CWF19L2: variants seen among roughly 807,000 people sequenced by gnomAD.
CWF19L2 encodes the protein CWF19 like cell cycle control factor 2.
Under a neutral mutation model 111.7 loss-of-function variants are expected in CWF19L2, and 98 were observed. The ratio of observed to expected loss-of-function variants is 0.88; its 90% confidence interval spans 0.75 to 1.04. The LOEUF (loss-of-function observed/expected upper bound fraction) is 1.04, where lower values mean the gene tolerates loss of function less well. Among genes scored for constraint, CWF19L2 ranks in the 50% least tolerant of loss-of-function variants. The pLI is 0.00. For missense variants in CWF19L2, 1,101 were observed against 1,051.4 expected (o/e 1.05, Z -0.65); for synonymous variants, 351 against 342.9 (o/e 1.02, Z -0.26).
intron 14 of CWF19L2, among the ~76,000 whole-genome samples, chr11:107,339,381 C>T (rs1300555464): frequency 6.6e-6 from 1 of 152,078 alleles, no homozygotes; most frequent in African/African-American, 2.4e-5. Flanking sequence ...ATGATAGTTG[C>T]ATATTTCATA....
In CWF19L2 at chr11:107,392,763, C is replaced by T. The variant is rs755251993; in HGVS notation, c.1734+16G>A. ...GGAATTCTGAATTAATAAACAAAGA[C>T]ATATGTTAAACATACCATCTGTCTC... On this transcript the variant is annotated intron_variant, in intron 11 of 17. Transcript: ENST00000282251. 7.2e-6 allele frequency: 10 copies of T among 1,397,640 alleles called. No homozygotes were observed. The African/African-American group carries it at 1.3e-4, about 18-fold the overall frequency. 86.6% of individuals were successfully genotyped at this position (1,397,640 alleles called of 1,614,324 possible).
At chr11:107,334,814 G>A (rs889393675) in intron 16 of CWF19L2, 67 bp downstream of exon 16, 12 of 1,000,600 alleles carry the variant, frequency 1.2e-5, no homozygotes, top group Admixed American at 3.8e-5. Flanking sequence ...TGTCAACTAA[G>A]ACATGGAAAT....
chr11:107,429,552 GA>G, intron 7 of CWF19L2, 101 bp from the exon 8 acceptor site: 1 of 867,716 alleles, frequency 1.2e-6, no homozygotes. Context: ...GTGGCACACT[GA>G]AAAGCCCACT....
Position 107,369,134 on chromosome 11 carries a change from C to G in CWF19L2, c.1873-15398G>C, listed in dbSNP as rs1175718579. On this transcript the variant is annotated intron_variant, in intron 12 of 17. Coordinates refer to ENST00000282251, the MANE Select transcript of CWF19L2 (RefSeq NM_152434.3). ...GTAACGCCAGTTGCTTCTATGCTAA[C>G]TATATCAGCAAGAGTTACACGGTTT... 1.4e-5 allele frequency among the ~76,000 whole-genome samples: 2 copies of G among 138,006 alleles called. 1 individual carries two copies. The highest frequency in any genetic ancestry group is 5.8e-5 in the African/African-American group (2 of 34,702). 90.5% of individuals were successfully genotyped at this position (138,006 alleles called of 152,430 possible). A position where few individuals can be genotyped will look rare whatever the true frequency, so the allele number is the denominator to read the frequency against.
intron 10 of CWF19L2, among the ~76,000 whole-genome samples, chr11:107,410,246 A>G (rs964982907): frequency 1.3e-5 from 2 of 152,106 alleles, no homozygotes; most frequent in Admixed American, 1.3e-4. Context: ...TCAAATCTCC[A>G]TAGTAGTAAA....
chr11:107,330,922 T>C (rs1859841291), intron 16 of CWF19L2, among the ~76,000 whole-genome samples: 1 of 152,182 alleles, frequency 6.6e-6, no homozygotes, highest in Admixed American at 6.5e-5. Flanking sequence ...TTGTGTATTG[T>C]GTCCTTTTTA....
At chr11:107,398,598 G>A (rs565707217) in intron 10 of CWF19L2, among the ~76,000 whole-genome samples, 41 of 152,246 alleles carry the variant, frequency 2.7e-4, no homozygotes, top group South Asian at 1.0e-3. Flanking sequence ...CTAAAAGCCC[G>A]GAAAACATAT....
intron 8 of CWF19L2, among the ~76,000 whole-genome samples, chr11:107,420,525 T>A (rs11212216): frequency 0.04 from 6,131 of 152,122 alleles, 153 homozygotes; most frequent in East Asian, 0.11. Context: ...ATTATAGCTA[T>A]AAATTTCAAT....
rs940025327 is a variant in CWF19L2 at position 107,370,310 on chromosome 11, G to A, written c.1873-16574C>T. 2.2e-5 allele frequency among the ~76,000 whole-genome samples: 3 copies of A among 136,878 alleles called. 1 individual carries two copies. The highest frequency in any genetic ancestry group is 8.7e-5 in the African/African-American group (3 of 34,300). The allele number at this position is 136,878 out of a possible 152,430, so 89.8% of individuals were successfully genotyped here. ...CTAACCAAGCCTGTTTAAAAAAGAG[G>A]GGAGGGGAGTAAGACAAGACCCACC... On this transcript the variant is annotated intron_variant, in intron 12 of 17. Coordinates refer to ENST00000282251, the MANE Select transcript of CWF19L2 (RefSeq NM_152434.3).
intron 16 of CWF19L2, among the ~76,000 whole-genome samples, chr11:107,331,059 T>A (rs1312793117): frequency 1.3e-5 from 2 of 152,158 alleles, no homozygotes; most frequent in Admixed American, 6.6e-5. Context: ...CACGTAAAAA[T>A]CTGTTCACGA....
At chr11:107,454,299 G>T (rs1861821354) in intron 3 of CWF19L2, 151 bp downstream of exon 3, 1 of 508,326 alleles carries the variant, frequency 2.0e-6, no homozygotes, top group Non-Finnish European at 3.1e-6. Flanking sequence ...ATATTTTCTG[G>T]ACATCTCTAA....
At chr11:107,328,597 C>CG (rs1352086304) in intron 17 of CWF19L2, among the ~76,000 whole-genome samples, 3 of 152,104 alleles carry the variant, frequency 2.0e-5, no homozygotes, top group Non-Finnish European at 4.4e-5. Flanking sequence ...ACTTTTAACT[C>CG]CAAAACTGAA....
intron 5 of CWF19L2, among the ~76,000 whole-genome samples, chr11:107,440,361 T>A (rs1861604111): frequency 6.6e-6 from 1 of 152,190 alleles, no homozygotes; most frequent in African/African-American, 2.4e-5. Flanking sequence ...AGGGCTTTTT[T>A]AAATGTATCC....
chr11:107,335,000 T>C, intron 15 of CWF19L2, 39 bp from the exon 16 acceptor site: 2 of 1,284,632 alleles, frequency 1.6e-6, no homozygotes, highest in East Asian at 2.3e-5. Context: ...AAAGAACATG[T>C]AAGTAAATAA....
At chr11:107,422,034 G>T (rs1034029211) in intron 8 of CWF19L2, among the ~76,000 whole-genome samples, 5 of 151,954 alleles carry the variant, frequency 3.3e-5, no homozygotes, top group African/African-American at 9.7e-5. Context: ...CAATAAAAAG[G>T]AATGAACTAC....
intron 8 of CWF19L2, among the ~76,000 whole-genome samples, chr11:107,423,131 T>C (rs1861324677): frequency 6.6e-6 from 1 of 152,004 alleles, no homozygotes; most frequent in Admixed American, 6.6e-5. Context: ...TTGTACTTTT[T>C]TGTATGGAAA....
chr11:107,334,718 G>C (rs867635820), intron 16 of CWF19L2, among the ~76,000 whole-genome samples, 163 bp downstream of exon 16: 32 of 152,262 alleles, frequency 2.1e-4, no homozygotes, highest in Middle Eastern at 6.8e-3. Context: ...AAACAAATAA[G>C]CATTTTCTAG....
At chr11:107,412,324 T>C (rs1321710393) in intron 10 of CWF19L2, among the ~76,000 whole-genome samples, 1 of 152,190 alleles carries the variant, frequency 6.6e-6, no homozygotes, top group Non-Finnish European at 1.5e-5. Context: ...CCTTGATATT[T>C]ACCCATAGGA....
intron 14 of CWF19L2, among the ~76,000 whole-genome samples, chr11:107,337,512 A>G (rs11212170): frequency 0.016 from 2,509 of 152,170 alleles, 73 homozygotes; most frequent in African/African-American, 0.057. Context: ...CACCCCCTGT[A>G]GTACAGGATG....
Sources: allele counts gnomAD v4.1 joint callset (sites outside exome capture counted in the v4.1 genomes callset), GRCh38; gene constraint gnomAD v4.1.1; transcripts MANE v1.5; gene names NCBI Gene and HGNC (gene_info 2026-07-23, HGNC 2026-07-21).